The following USP47 variants were observed in gnomAD, a reference collection of about 807,000 sequenced individuals.
The protein encoded by USP47 is ubiquitin carboxyl-terminal hydrolase 47.
A neutral mutation model predicts 165.1 loss-of-function variants in USP47; 35 were observed. The observed-to-expected ratio is 0.21, with a 90% CI of 0.16 to 0.28. USP47 has a LOEUF of 0.28. USP47 is among the 10% of genes least tolerant of loss of function. The pLI, the probability that USP47 is intolerant of heterozygous loss-of-function variation, is 1.00. For synonymous variants in USP47, 531 were observed against 544.5 expected (o/e 0.98, Z 0.35); for missense variants, 1,277 against 1,607.4 (o/e 0.79, Z 3.52).
chr11:11,884,663 A>T, intron 3 of USP47, 83 bp downstream of exon 3: 1 of 896,044 alleles, frequency 1.1e-6, no homozygotes, highest in Non-Finnish European at 1.7e-6. Context: ...CAAAGGAAAT[A>T]AGATGTGTTT....
chr11:11,937,503 C>G (rs1044599269), intron 17 of USP47, among the ~76,000 whole-genome samples: 1 of 150,890 alleles, frequency 6.6e-6, no homozygotes, highest in Non-Finnish European at 1.5e-5. Flanking sequence ...TTCTGGAAAC[C>G]TTATGATGTC....
At chr11:11,912,195 C>A (rs546664811) in intron 8 of USP47, among the ~76,000 whole-genome samples, 1 of 150,808 alleles carries the variant, frequency 6.6e-6, no homozygotes, top group Non-Finnish European at 1.5e-5. Context: ...CCAAAGCAAG[C>A]GGAAGGAAGG....
intron 3 of USP47, among the ~76,000 whole-genome samples, chr11:11,886,748 A>G (rs1851189373): frequency 6.6e-6 from 1 of 152,200 alleles, no homozygotes; most frequent in African/African-American, 2.4e-5. Flanking sequence ...AGAGAACCCC[A>G]GTAAGATACA....
intron 4 of USP47, among the ~76,000 whole-genome samples, chr11:11,896,561 A>T (rs1489471402): frequency 6.6e-6 from 1 of 152,222 alleles, no homozygotes; most frequent in African/African-American, 2.4e-5. Context: ...CTTAGATACC[A>T]TACAAACTTG....
intron 1 of USP47, among the ~76,000 whole-genome samples, chr11:11,871,555 G>GAACCTA (rs1312482501): frequency 6.9e-6 from 1 of 145,710 alleles, no homozygotes; most frequent in Non-Finnish European, 1.5e-5. Flanking sequence ...TGGTTGGTGG[G>GAACCTA]AACCTAAGTG....
intron 8 of USP47, among the ~76,000 whole-genome samples, chr11:11,915,979 G>C (rs1259440494): frequency 6.6e-6 from 1 of 151,920 alleles, no homozygotes; most frequent in Non-Finnish European, 1.5e-5. Context: ...ACACATAAAT[G>C]GTTAAAAAAA....
intron 11 of USP47, among the ~76,000 whole-genome samples, chr11:11,928,732 AG>A (rs1409698564): frequency 6.6e-6 from 1 of 152,044 alleles, no homozygotes; most frequent in Non-Finnish European, 1.5e-5. Context: ...CTGAAAGAAA[AG>A]ATTGTCTTAA....
At chr11:11,936,032 T>G (rs1483609251) in intron 16 of USP47, among the ~76,000 whole-genome samples, 1 of 151,874 alleles carries the variant, frequency 6.6e-6, no homozygotes, top group Non-Finnish European at 1.5e-5. Context: ...CACCTAAAGT[T>G]TATGATGTTA....
intron 23 of USP47, 70 bp from the exon 24 acceptor site, chr11:11,950,294 A>G: frequency 9.5e-7 from 1 of 1,057,792 alleles, no homozygotes. Flanking sequence ...CTTTGGTGTC[A>G]GATTAGTGTC....
intron 20 of USP47, chr11:11,943,863 A>G (rs138633964): frequency 6.2e-4 from 94 of 152,230 alleles, no homozygotes; most frequent in Middle Eastern, 3.4e-3. Context: ...AGTACTTTGC[A>G]TTAGTTCTAG....
chr11:11,954,725 G>A lies in USP47; in HGVS notation c.3715-172G>A, dbSNP rs117571914. On this transcript the variant is annotated intron_variant, in intron 25 of 27. Coordinates refer to ENST00000527733, the MANE Select transcript of USP47 (RefSeq NM_001282659.2). Reference sequence around the variant, plus strand: ...GGTCTGGAAGGAATATACTAACTTGGTATTTCTGGGACATGGTATTTGCAG... The same window carrying A: ...GGTCTGGAAGGAATATACTAACTTGATATTTCTGGGACATGGTATTTGCAG... Among the ~76,000 whole-genome samples the A allele has an allele frequency of 6.5e-3, 996 of 152,242 alleles. 7 individuals carry two copies. Among genetic ancestry groups the A allele is most frequent in the Non-Finnish European group, 0.011 (745 of 68,000 alleles).
rs770159860 is a variant in USP47 at position 11,922,711 on chromosome 11, A to G, written c.1219-13A>G. 1.9e-6 allele frequency: 3 copies of G among 1,602,994 alleles called. No homozygotes were observed. Among genetic ancestry groups the G allele is most frequent in the African/African-American group, 1.3e-5 (1 of 74,410 alleles). On this transcript the variant is annotated splice_polypyrimidine_tract_variant and intron_variant, in intron 10 of 27. Transcript: ENST00000527733. Reference sequence around the variant, plus strand: ...TATATGGTTTATAACTAAGATAATTATGTCTTATTAAGAAATCTCCTCAGA... The same window carrying G: ...TATATGGTTTATAACTAAGATAATTGTGTCTTATTAAGAAATCTCCTCAGA...
intron 1 of USP47, among the ~76,000 whole-genome samples, chr11:11,870,027 ATATT>A (rs1187132569): frequency 5.9e-5 from 9 of 151,776 alleles, no homozygotes. Context: ...AATAATTAAT[ATATT>A]AGAGCTTAAG....
chr11:11,882,380 G>C (rs1037848546), intron 2 of USP47, among the ~76,000 whole-genome samples: 5 of 152,114 alleles, frequency 3.3e-5, no homozygotes, highest in African/African-American at 1.2e-4. Context: ...AAAGATGTTT[G>C]ATGTTGCCTG....
At chr11:11,906,649 G>T (rs72856401) in intron 8 of USP47, among the ~76,000 whole-genome samples, 19,445 of 152,098 alleles carry the variant, frequency 0.13, 1,589 homozygotes, top group Middle Eastern at 0.38. Flanking sequence ...TTCATAGTCG[G>T]CTTCCTGAGT....
chr11:11,905,636 T>C, intron 8 of USP47, 88 bp downstream of exon 8: 1 of 1,278,342 alleles, frequency 7.8e-7, no homozygotes, highest in Non-Finnish European at 1.0e-6. Flanking sequence ...GTAAGTATCA[T>C]CCTAGATACA....
chr11:11,945,988 G>A lies in USP47; in HGVS notation c.3092-1957G>A, dbSNP rs562728746. ...AAAGGAAAAAGAATAAAAGAAATAC[G>A]TAAGAGAAAGGACCAAAAAGGAAAA... is the stretch of plus-strand genomic sequence containing the variant. On this transcript the variant is annotated intron_variant, in intron 20 of 27. Coordinates refer to ENST00000527733, the MANE Select transcript of USP47 (RefSeq NM_001282659.2). 4.6e-5 allele frequency among the ~76,000 whole-genome samples: 7 copies of A among 151,502 alleles called. No individual in the cohort carries two copies. In the East Asian group the frequency reaches 1.2e-3, roughly 25 times the overall value.
chr11:11,923,736 C>G (rs151227617), intron 11 of USP47, among the ~76,000 whole-genome samples: 209 of 152,146 alleles, frequency 1.4e-3, no homozygotes, highest in African/African-American at 4.8e-3. Context: ...GTTTTTAGAC[C>G]AAGGCCATTC....
At chr11:11,842,349 G>T (rs887543664) in intron 1 of USP47, 125 bp downstream of exon 1, 50 of 1,121,294 alleles carry the variant, frequency 4.5e-5, no homozygotes, top group Admixed American at 1.9e-4. Flanking sequence ...ATGAGGAGGC[G>T]TGAGGCAGTC....
Sources: gnomAD v4.1 joint callset for allele counts (sites outside exome capture counted in the v4.1 genomes callset) on GRCh38, gnomAD v4.1.1 for gene constraint, MANE v1.5 for transcripts, NCBI Gene and HGNC (gene_info 2026-07-23, HGNC 2026-07-21) for gene names.